CUX1: variants seen among roughly 807,000 people sequenced by gnomAD.
CUX1 encodes the protein cut like homeobox 1, also known as protein CASP.
CUX1 carries 31 observed loss-of-function variants against 158.8 expected under a neutral mutation model. The observed-to-expected ratio is 0.20, with a 90% CI of 0.15 to 0.26. CUX1 has a LOEUF of 0.26. Among genes scored for constraint, CUX1 ranks in the 10% least tolerant of loss-of-function variants. The pLI is 1.00. For missense variants in CUX1, 1,589 were observed against 2,014.6 expected (o/e 0.79, Z 4.04); for synonymous variants, 879 against 862.1 (o/e 1.02, Z -0.34).
At chr7:101,938,003 A>G (rs572578213) in intron 2 of CUX1, among the ~76,000 whole-genome samples, 21 of 152,174 alleles carry the variant, frequency 1.4e-4, no homozygotes, top group Admixed American at 2.0e-4. Context: ...AAGCCAGGAG[A>G]AGGGTGAATA....
At chr7:102,136,479 C>T (rs1203112941) in intron 8 of CUX1, among the ~76,000 whole-genome samples, 4 of 152,044 alleles carry the variant, frequency 2.6e-5, no homozygotes, top group Non-Finnish European at 5.9e-5. Context: ...GCAACCTCCA[C>T]CTCCCAGGTT....
intron 5 of CUX1, among the ~76,000 whole-genome samples, chr7:102,098,513 A>G (rs1829431123): frequency 1.3e-5 from 2 of 152,122 alleles, no homozygotes; most frequent in Non-Finnish European, 2.9e-5. Context: ...CAAGAGGCTG[A>G]GGCGGGAGGA....
rs1430819456 is a variant in CUX1, at chr7:102,280,930, C to G, written c.1821+70C>G. 3.4e-6 allele frequency: 5 copies of G among 1,462,722 alleles called. No homozygotes were observed. The African/African-American group carries it at 6.9e-5, about 20-fold the overall frequency. The allele number at this position is 1,462,722 out of a possible 1,614,324, so 90.6% of individuals were successfully genotyped here. A position where few individuals can be genotyped will look rare whatever the true frequency, so the allele number is the denominator to read the frequency against. On this transcript the variant is annotated intron_variant, in intron 20 of 22. Transcript: ENST00000292538. ...CCTCTGTCTCCAGGCACCTCTTCAC[C>G]TGCCCTGCAGCCCAGGCTGGAGGAG...
chr7:101,860,587 C>T (rs1584791173), intron 1 of CUX1, among the ~76,000 whole-genome samples: 1 of 152,218 alleles, frequency 6.6e-6, no homozygotes, highest in South Asian at 2.1e-4. Flanking sequence ...CTGGGGCTAG[C>T]CACTGCTCTT....
chr7:102,062,950 C>T (rs745926045), intron 3 of CUX1, among the ~76,000 whole-genome samples: 15 of 151,996 alleles, frequency 9.9e-5, no homozygotes, highest in Non-Finnish European at 2.2e-4. Context: ...ATTAAAAATA[C>T]GAAAATTAGC....
intron 14 of CUX1, among the ~76,000 whole-genome samples, chr7:102,264,136 G>A (rs1554544603): frequency 6.6e-6 from 1 of 150,828 alleles, no homozygotes; most frequent in African/African-American, 2.4e-5. Flanking sequence ...CTCCCAAGTA[G>A]CTGGGATTAC....
At chr7:101,946,993 C>T (rs1808461834) in intron 2 of CUX1, among the ~76,000 whole-genome samples, 1 of 152,156 alleles carries the variant, frequency 6.6e-6, no homozygotes, top group African/African-American at 2.4e-5. Context: ...CCCAGGGTTT[C>T]AGCTGGGAGG....
chr7:102,082,213 A>T (rs997383996), intron 4 of CUX1, among the ~76,000 whole-genome samples: 11 of 146,754 alleles, frequency 7.5e-5, no homozygotes, highest in African/African-American at 2.7e-4. Flanking sequence ...ACTTTTGCTT[A>T]TGCACCCCAA....
At chr7:102,087,863 C>T (rs1386085709) in intron 4 of CUX1, among the ~76,000 whole-genome samples, 11 of 151,988 alleles carry the variant, frequency 7.2e-5, no homozygotes, top group South Asian at 6.2e-4. Context: ...TATTCCCTTG[C>T]GTGGATTCAA....
intron 1 of CUX1, among the ~76,000 whole-genome samples, chr7:101,876,424 C>T (rs548543303): frequency 1.3e-5 from 2 of 151,672 alleles, no homozygotes; most frequent in East Asian, 1.9e-4. Flanking sequence ...CGGCTGGGCG[C>T]GCTGGCTCAT....
In CUX1 at chr7:102,248,989, C is replaced by A; in HGVS notation, c.4465C>A (p.His1489Asn). Reference protein sequence around the residue: ...KKAANLNSIIHRLEKAASREE... With the variant: ...KKAANLNSIINRLEKAASREE... ...GGCCGCGAACTTGAACAGCATCATC[C>A]ACCGCCTGGAGAAGGCCGCCAGCCG... The change falls in exon 24 of 24, where the codon CAC becomes AAC. Residue 1489 changes from histidine to asparagine, a missense_variant. This residue lies in a region of CUX1 where 344 missense variants were observed against 323.7 expected (regional missense o/e 1.06). Coordinates refer to ENST00000292535, the MANE Select transcript of CUX1 (RefSeq NM_181552.4). The surrounding 1 kb of genome is among the most constrained non-coding windows in gnomAD (Gnocchi z 5.8). The A allele has an allele frequency of 7.0e-7, 1 of 1,431,748 alleles. No individual in the cohort carries two copies. The highest frequency in any genetic ancestry group is 9.2e-7 in the Non-Finnish European group (1 of 1,082,084). 88.7% of individuals were successfully genotyped at this position (1,431,748 alleles called of 1,614,324 possible).
chr7:101,956,138 CAAAAAAAAAAAAAA>C (rs11462111), intron 2 of CUX1, among the ~76,000 whole-genome samples: 2 of 64,980 alleles, frequency 3.1e-5, no homozygotes, highest in South Asian at 7.6e-4. Context: ...GCCCACGTCT[CAAAAAAAAAAAAAA>C]AAAAAAAAAA....
At chr7:102,019,243 T>G (rs978991777) in intron 2 of CUX1, among the ~76,000 whole-genome samples, 7 of 152,146 alleles carry the variant, frequency 4.6e-5, no homozygotes, top group African/African-American at 1.2e-4. Flanking sequence ...TTGTTTGTTT[T>G]TTGAGACATA....
intron 20 of CUX1, among the ~76,000 whole-genome samples, chr7:102,213,815 C>A (rs1197590377): frequency 1.3e-5 from 2 of 152,274 alleles, no homozygotes; most frequent in Admixed American, 6.5e-5. Context: ...GTGCCACTCA[C>A]AGAGCTGATG....
intron 1 of CUX1, among the ~76,000 whole-genome samples, chr7:101,894,814 C>G (rs2131677923): frequency 6.6e-6 from 1 of 152,130 alleles, no homozygotes; most frequent in African/African-American, 2.4e-5. Context: ...TTTGGGGGTT[C>G]CTGAAAGATG....
At chr7:102,216,663 ACACACT>A (rs782718497) in intron 20 of CUX1, among the ~76,000 whole-genome samples, 2,614 of 57,858 alleles carry the variant, frequency 0.045, 52 homozygotes, top group Non-Finnish European at 0.069. Context: ...ACTCTCCCAC[ACACACT>A]CACACACACA....
At chr7:101,968,503 G>T (rs1247740511) in intron 2 of CUX1, among the ~76,000 whole-genome samples, 2 of 152,110 alleles carry the variant, frequency 1.3e-5, no homozygotes, top group African/African-American at 4.8e-5. Context: ...GCTCACCGCA[G>T]CCTCCGTCTC....
chr7:102,157,435 G>A (rs911113724), intron 8 of CUX1, among the ~76,000 whole-genome samples: 2 of 152,122 alleles, frequency 1.3e-5, no homozygotes, highest in African/African-American at 4.8e-5. Context: ...CTGCCCGGGT[G>A]TGCTGCTCTA....
intron 6 of CUX1, among the ~76,000 whole-genome samples, chr7:102,109,411 G>A (rs782177590): frequency 8.5e-5 from 13 of 152,170 alleles, no homozygotes; most frequent in African/African-American, 2.9e-4. Context: ...CAGAGTATAC[G>A]AAAACACACT....
Sources: gnomAD v4.1 joint callset for allele counts (sites outside exome capture counted in the v4.1 genomes callset) on GRCh38, gnomAD v4.1.1 for gene constraint, gnomAD v4.1.1 regional missense constraint, Gnocchi (gnomAD v3.1) non-coding constraint, MANE v1.5 for transcripts, NCBI Gene and HGNC (gene_info 2026-07-23, HGNC 2026-07-21) for gene names.